Variants in DPYD observed in about 807,000 individuals in gnomAD.
DPYD encodes the protein dihydropyrimidine dehydrogenase.
In DPYD, 109 loss-of-function variants were observed where a neutral mutation model predicts 116.2. The ratio of observed to expected loss-of-function variants is 0.94; its 90% CI spans 0.80 to 1.10. The LOEUF is 1.10. DPYD is among the 50% of genes least tolerant of loss of function. The pLI is 0.00. For missense variants in DPYD, 1,302 were observed against 1,254.5 expected, an observed-to-expected ratio of 1.04 and a Z score of -0.57; for synonymous variants, 440 against 432.0, an observed-to-expected ratio of 1.02 and a Z score of -0.23.
At chr1:97,693,016 C>G (rs1218514917) in intron 6 of DPYD, among the ~76,000 whole-genome samples, 1 of 151,564 alleles carries the variant, frequency 6.6e-6, no homozygotes, top group African/African-American at 2.4e-5. Context: ...GCAAGGTATC[C>G]GCGGTGGCTC....
At chr1:97,488,546 G>A (rs1169427350) in intron 13 of DPYD, among the ~76,000 whole-genome samples, 1 of 152,142 alleles carries the variant, frequency 6.6e-6, no homozygotes, top group Non-Finnish European at 1.5e-5. Context: ...AAATTACTGT[G>A]AACCTACAAG....
intron 14 of DPYD, among the ~76,000 whole-genome samples, chr1:97,440,001 C>T (rs538444783): frequency 6.6e-6 from 1 of 151,632 alleles, no homozygotes; most frequent in South Asian, 2.1e-4. Context: ...TTCGGCCGGG[C>T]GCGGTGGCTC....
intron 12 of DPYD, among the ~76,000 whole-genome samples, chr1:97,538,190 C>T (rs561241923): frequency 6.6e-6 from 1 of 152,114 alleles, no homozygotes; most frequent in Non-Finnish European, 1.5e-5. Flanking sequence ...ATTAACGAAT[C>T]CACCAAAAGG....
At chr1:97,376,841 C>T (rs1364519591) in intron 15 of DPYD, among the ~76,000 whole-genome samples, 1 of 138,564 alleles carries the variant, frequency 7.2e-6, no homozygotes, top group Non-Finnish European at 1.6e-5. Context: ...TATCATCCAT[C>T]TATACACAGT....
intron 19 of DPYD, among the ~76,000 whole-genome samples, chr1:97,216,480 A>G (rs979923786): frequency 2.6e-5 from 4 of 152,170 alleles, no homozygotes; most frequent in Non-Finnish European, 5.9e-5. Context: ...GGTTTATTAC[A>G]AGATAATTTT....
chr1:97,100,129 A>G (rs1465375617), intron 20 of DPYD, among the ~76,000 whole-genome samples: 4 of 152,102 alleles, frequency 2.6e-5, no homozygotes, highest in African/African-American at 9.6e-5. Context: ...GGGAGATAGT[A>G]TTTTGTATCC....
At chr1:97,435,799 C>T (rs1675439590) in intron 14 of DPYD, among the ~76,000 whole-genome samples, 1 of 151,560 alleles carries the variant, frequency 6.6e-6, no homozygotes, top group African/African-American at 2.4e-5. Flanking sequence ...AAAGAGTATT[C>T]CCTGTAGGGT....
chr1:97,515,788 T>G lies in DPYD; in HGVS notation c.1678A>C (p.Ile560Leu). The change falls in exon 13 of 23, where the codon ATT (isoleucine) becomes CTT (leucine). Residue 560 changes from isoleucine to leucine, a missense_variant. Coordinates refer to ENST00000370192, the MANE Select transcript of DPYD (RefSeq NM_000110.4). The stretch of plus-strand genomic sequence containing the variant: ...CATCCAGCTTCAAAAGCTCTTCGAA[T>G]CATTGATGTGCTGGTGGCTGGAGTT... The part of the protein sequence containing the change: ...SATPATSTSM[I>L]RRAFEAGWGF... 2 of 1,613,020 alleles carry G rather than the reference T, an allele frequency of 1.2e-6. No individual in the cohort carries two copies. The highest frequency in any genetic ancestry group is 1.7e-6 in the Non-Finnish European group (2 of 1,179,300).
intron 16 of DPYD, among the ~76,000 whole-genome samples, chr1:97,371,266 T>C (rs1459130595): frequency 6.6e-6 from 1 of 152,196 alleles, no homozygotes; most frequent in Non-Finnish European, 1.5e-5. Context: ...ATAAATATTT[T>C]AGCCATGGAA....
At chr1:97,389,097 G>T (rs1672524177) in intron 14 of DPYD, among the ~76,000 whole-genome samples, 1 of 152,022 alleles carries the variant, frequency 6.6e-6, no homozygotes, top group Admixed American at 6.6e-5. Context: ...AGAGTAAAGA[G>T]AACTAGTTAT....
At chr1:97,675,694 A>G (rs1557876190) in intron 8 of DPYD, among the ~76,000 whole-genome samples, 1 of 152,164 alleles carries the variant, frequency 6.6e-6, no homozygotes, top group Non-Finnish European at 1.5e-5. Context: ...GATAGTAGTT[A>G]TAAACACATA....
chr1:97,490,712 T>C (rs977946802), intron 13 of DPYD, among the ~76,000 whole-genome samples: 1 of 151,208 alleles, frequency 6.6e-6, no homozygotes, highest in African/African-American at 2.4e-5. Context: ...AGTGGACAAG[T>C]CTACTGCCAA....
chr1:97,552,474 A>G (rs974549333), intron 11 of DPYD, among the ~76,000 whole-genome samples: 69 of 152,176 alleles, frequency 4.5e-4, no homozygotes, highest in African/African-American at 1.4e-3. Flanking sequence ...TAGCACCAAC[A>G]TCATAAGCCA....
intron 3 of DPYD, among the ~76,000 whole-genome samples, chr1:97,757,960 C>A (rs1224035387): frequency 1.3e-5 from 2 of 152,176 alleles, no homozygotes; most frequent in Admixed American, 1.3e-4. Context: ...GTCTGCACTA[C>A]TGAATTCTCA....
At chr1:97,654,537 T>C (rs1658787438) in intron 8 of DPYD, among the ~76,000 whole-genome samples, 1 of 152,172 alleles carries the variant, frequency 6.6e-6, no homozygotes, top group Admixed American at 6.5e-5. Flanking sequence ...TTCACGATTA[T>C]GTGAGGTATT....
chr1:97,581,486 A>G (rs1653664790), intron 10 of DPYD, among the ~76,000 whole-genome samples: 1 of 151,988 alleles, frequency 6.6e-6, no homozygotes, highest in African/African-American at 2.4e-5. Context: ...TCAGGCCTAT[A>G]ATCTCAGTGC....
chr1:97,707,275 A>G (rs527328561), intron 5 of DPYD, among the ~76,000 whole-genome samples: 119 of 152,164 alleles, frequency 7.8e-4, no homozygotes, highest in African/African-American at 2.8e-3. Context: ...ACCTATGACC[A>G]GAAAGCAGCT....
Position 97,866,802 on chromosome 1 carries a change from G to T in DPYD, c.150+16462C>A, listed in dbSNP as rs577291757. On this transcript the variant is annotated intron_variant, in intron 2 of 22. Transcript: ENST00000370192. ...TAGCATGTGATGAAAGTAAGGAAGT[G>T]CAGTATGTATATAAAACAACATAAA... is the stretch of plus-strand genomic sequence containing the variant. 1.2e-3 allele frequency among the ~76,000 whole-genome samples: 185 copies of T among 151,994 alleles called. No homozygotes were observed. The Middle Eastern group carries it at 0.024, about 20-fold the overall frequency.
intron 1 of DPYD, among the ~76,000 whole-genome samples, chr1:97,918,130 C>T (rs965988631): frequency 1.6e-4 from 24 of 152,162 alleles, no homozygotes; most frequent in Non-Finnish European, 5.9e-5. Flanking sequence ...CTACTATTAA[C>T]GGACTTTAAA....
Sources: allele counts gnomAD v4.1 joint callset (sites outside exome capture counted in the v4.1 genomes callset), GRCh38; gene constraint gnomAD v4.1.1; transcripts MANE v1.5; gene names NCBI Gene and HGNC (gene_info 2026-07-23, HGNC 2026-07-21).